Variants in OSBP2 observed in about 807,000 individuals in gnomAD.
The protein encoded by OSBP2 is oxysterol-binding protein 2.
A neutral mutation model predicts 96.0 loss-of-function variants in OSBP2; 66 were observed. That is an observed-to-expected ratio of 0.69 (90% CI 0.56 to 0.84). OSBP2 has a LOEUF of 0.84. Ranked by LOEUF, OSBP2 falls within the 40% of genes least tolerant of loss-of-function variation. OSBP2 has a pLI of 0.00. For missense variants in OSBP2, 1,038 were observed against 1,222.7 expected (o/e 0.85, Z 2.25); for synonymous variants, 525 against 520.9 (o/e 1.01, Z -0.11).
intron 4 of OSBP2, 79 bp downstream of exon 4, chr22:30,887,697 A>C: frequency 1.2e-5 from 15 of 1,223,422 alleles, no homozygotes; most frequent in East Asian, 2.6e-5. Context: ...GCGCCCCCAC[A>C]TGCACATCCC....
intron 3 of OSBP2, among the ~76,000 whole-genome samples, chr22:30,880,279 C>T (rs1232351879): frequency 6.6e-6 from 1 of 152,180 alleles, no homozygotes; most frequent in Non-Finnish European, 1.5e-5. Flanking sequence ...CCCTAGAAAC[C>T]TGGAGAGCAG....
chr22:30,887,150 C>G (rs974762951), intron 3 of OSBP2, among the ~76,000 whole-genome samples: 1 of 152,128 alleles, frequency 6.6e-6, no homozygotes, highest in Non-Finnish European at 1.5e-5. Context: ...GCAGTGAGGA[C>G]GACCAGAGGT....
chr22:30,728,871 G>A (rs2089697769), intron 1 of OSBP2, among the ~76,000 whole-genome samples: 1 of 152,122 alleles, frequency 6.6e-6, no homozygotes, highest in African/African-American at 2.4e-5. Context: ...CCACAAAATG[G>A]ATAAACCACC....
chr22:30,830,885 C>A (rs201531600), intron 2 of OSBP2, among the ~76,000 whole-genome samples: 10 of 149,086 alleles, frequency 6.7e-5, no homozygotes, highest in South Asian at 2.1e-4. Flanking sequence ...CATTGAGATC[C>A]AAAAAAAAAA....
At chr22:30,710,774 C>G (rs1380339270) in intron 1 of OSBP2, among the ~76,000 whole-genome samples, 2 of 152,092 alleles carry the variant, frequency 1.3e-5, no homozygotes, top group Non-Finnish European at 2.9e-5. Context: ...CCACGCCAGG[C>G]TTATTTTTGT....
At chr22:30,709,437 G>T (rs2089308754) in intron 1 of OSBP2, among the ~76,000 whole-genome samples, 1 of 152,184 alleles carries the variant, frequency 6.6e-6, no homozygotes, top group Admixed American at 6.5e-5. Context: ...TCCATCAGGA[G>T]TTGGTGGCTT....
Position 30,735,400 on chromosome 22 carries a change from T to C in OSBP2, c.645-5761T>C, listed in dbSNP as rs147650894. On this transcript the variant is annotated intron_variant, in intron 1 of 13. Transcript: ENST00000332585. ...AATTGTTTCTTCTTCTTTTTTCTTC[T>C]CTTCTCTCTCTTTTTTTTTTTTTTT... 3.5e-3 allele frequency among the ~76,000 whole-genome samples: 515 copies of C among 148,746 alleles called. 1 individual carries two copies. Among genetic ancestry groups the C allele is most frequent in the Non-Finnish European group, 6.1e-3 (409 of 67,220 alleles).
In OSBP2 at chr22:30,695,075, C is replaced by T; in HGVS notation, c.166C>T (p.Pro56Ser). ...SGPEPKPQPQPVPEPERGPLS... is the reference protein window; with the variant it reads ...SGPEPKPQPQSVPEPERGPLS... ...GCCGGAGCCCAAGCCCCAGCCCCAG[C>T]CCGTGCCCGAACCGGAGCGGGGACC... The change falls in exon 1 of 14, where the codon CCC becomes TCC. Residue 56 changes from proline (P) to serine (S), a missense_variant. Pro to Ser is a moderately conservative substitution (Grantham distance 74). This residue lies in a region of OSBP2 where 281 missense variants were observed against 273.4 expected (regional missense o/e 1.03). Transcript: ENST00000332585. 1 of 1,582,378 alleles carries T rather than the reference C, an allele frequency of 6.3e-7. No homozygotes were observed. Among genetic ancestry groups the T allele is most frequent in the East Asian group, 2.2e-5 (1 of 44,486 alleles).
At chr22:30,770,841 C>T (rs1056232061) in intron 2 of OSBP2, among the ~76,000 whole-genome samples, 3 of 152,208 alleles carry the variant, frequency 2.0e-5, no homozygotes, top group African/African-American at 7.2e-5. Context: ...TTTGTGGCTG[C>T]CATCTCTGGC....
intron 2 of OSBP2, among the ~76,000 whole-genome samples, chr22:30,850,347 G>GTC (rs1475309406): frequency 6.6e-6 from 1 of 151,252 alleles, no homozygotes; most frequent in East Asian, 1.9e-4. Context: ...ATATGTGCAT[G>GTC]TCTATTTCTG....
intron 2 of OSBP2, among the ~76,000 whole-genome samples, chr22:30,744,148 A>C (rs1238602744): frequency 6.6e-6 from 1 of 152,148 alleles, no homozygotes; most frequent in African/African-American, 2.4e-5. Context: ...GATTGGGACC[A>C]CCTGATTATG....
intron 2 of OSBP2, among the ~76,000 whole-genome samples, chr22:30,798,724 T>C (rs759314799): frequency 2.0e-5 from 3 of 152,180 alleles, no homozygotes; most frequent in Non-Finnish European, 4.4e-5. Flanking sequence ...TCAGAAGTCA[T>C]TTGATCAGCT....
At chr22:30,756,039 C>T (rs956871452) in intron 2 of OSBP2, among the ~76,000 whole-genome samples, 1 of 152,200 alleles carries the variant, frequency 6.6e-6, no homozygotes, top group African/African-American at 2.4e-5. Flanking sequence ...CCTCTGCCCC[C>T]ACATGGTCAC....
intron 1 of OSBP2, among the ~76,000 whole-genome samples, chr22:30,715,480 G>A (rs1239804288): frequency 6.6e-6 from 1 of 151,282 alleles, no homozygotes; most frequent in Admixed American, 6.6e-5. Context: ...GGGCTCAAGT[G>A]ATCCTCCCAC....
At chr22:30,901,663 G>A (rs1017950162) in intron 12 of OSBP2, among the ~76,000 whole-genome samples, 2 of 152,008 alleles carry the variant, frequency 1.3e-5, no homozygotes. Context: ...TCAGGAGTTC[G>A]AGACCAGCCT....
At chr22:30,722,403 C>A (rs547702330) in intron 1 of OSBP2, among the ~76,000 whole-genome samples, 2 of 152,192 alleles carry the variant, frequency 1.3e-5, no homozygotes, top group Non-Finnish European at 2.9e-5. Context: ...TCAGTCAAAT[C>A]CCACCCAACC....
At chr22:30,854,306 CTTTTT>C (rs10618386) in intron 2 of OSBP2, among the ~76,000 whole-genome samples, 8 of 102,964 alleles carry the variant, frequency 7.8e-5, no homozygotes, top group Admixed American at 1.0e-4. Context: ...ATACAGTTAT[CTTTTT>C]TTTTTTTTTT....
rs527918551 is a variant in OSBP2 at position 30,794,226 on chromosome 22, A to C, written c.853+52857A>C. Reference sequence around the variant, plus strand: ...AAAATGTTTTTTAATAATTTAAAAAATAAATAAAATTATCTTATTCTCTCC... The same window carrying C: ...AAAATGTTTTTTAATAATTTAAAAACTAAATAAAATTATCTTATTCTCTCC... On this transcript the variant is annotated intron_variant, in intron 2 of 13. Transcript: ENST00000332585. Among the ~76,000 whole-genome samples the C allele has an allele frequency of 1.4e-4, 22 of 151,960 alleles. 1 individual carries two copies. In the Middle Eastern group the frequency reaches 0.01, roughly 70 times the overall value.
rs11703606 is a variant in OSBP2 at position 30,863,040 on chromosome 22, C to T, written c.854-7389C>T. On this transcript the variant is annotated intron_variant, in intron 2 of 13. Coordinates refer to ENST00000332585, the MANE Select transcript of OSBP2 (RefSeq NM_030758.4). ...GGCAGGCTCCTAACTCTTCATGCCA[C>T]ACCCTTTCCTCTTCTGGGGGTGACA... is the stretch of plus-strand genomic sequence containing the variant. 3.1e-3 allele frequency among the ~76,000 whole-genome samples: 476 copies of T among 152,120 alleles called. 1 individual carries two copies. Among genetic ancestry groups the T allele is most frequent in the Non-Finnish European group, 4.6e-3 (315 of 68,010 alleles).
Sources: allele counts gnomAD v4.1 joint callset (sites outside exome capture counted in the v4.1 genomes callset), GRCh38; gene constraint gnomAD v4.1.1; regional missense constraint gnomAD v4.1.1; transcripts MANE v1.5; gene names NCBI Gene and HGNC (gene_info 2026-07-23, HGNC 2026-07-21).